ZNF385D: variants seen among roughly 807,000 people sequenced by gnomAD.
ZNF385D encodes the protein zinc finger protein 659.
A neutral mutation model predicts 35.8 loss-of-function variants in ZNF385D; 15 were observed. That is an observed-to-expected ratio of 0.42 (90% CI 0.28 to 0.64). The LOEUF (loss-of-function observed/expected upper bound fraction) is 0.64, where lower values mean the gene tolerates loss of function less well. ZNF385D is among the 30% of genes least tolerant of loss of function. ZNF385D has a pLI of 0.23. For synonymous variants in ZNF385D, 212 were observed against 186.8 expected (o/e 1.13, Z -1.10); for missense variants, 474 against 494.6 (o/e 0.96, Z 0.39).
chr3:21,453,392 T>C lies in ZNF385D; in HGVS notation c.440-16189A>G, dbSNP rs139545983. ...TTGAACTGCATCAAAATTAAGTTTT[T>C]TCGTGTGTAAAAAAACACTACCAAA... On this transcript the variant is annotated intron_variant, in intron 4 of 7. Transcript: ENST00000281523. 7.2e-4 allele frequency among the ~76,000 whole-genome samples: 109 copies of C among 152,078 alleles called. 1 individual carries two copies. In the East Asian group the frequency reaches 0.021, roughly 29 times the overall value.
intron 3 of ZNF385D, among the ~76,000 whole-genome samples, chr3:21,556,068 GTTTT>G (rs148079775): frequency 1.0e-5 from 1 of 99,020 alleles, no homozygotes; most frequent in Non-Finnish European, 2.0e-5. Flanking sequence ...TTTTGTTTTT[GTTTT>G]TTTTTTTTTT....
At chr3:21,596,704 C>G (rs1027286375) in intron 2 of ZNF385D, among the ~76,000 whole-genome samples, 8 of 150,822 alleles carry the variant, frequency 5.3e-5, no homozygotes, top group Non-Finnish European at 1.5e-5. Context: ...GTCTCAAACT[C>G]CTGGCCACAA....
intron 3 of ZNF385D, among the ~76,000 whole-genome samples, chr3:21,856,258 CTAA>C (rs1696707358): frequency 1.3e-5 from 2 of 151,970 alleles, no homozygotes; most frequent in Non-Finnish European, 2.9e-5. Flanking sequence ...ATTTCAACAA[CTAA>C]AGTGCAGACA....
intron 3 of ZNF385D, among the ~76,000 whole-genome samples, chr3:22,056,309 T>C (rs1200676549): frequency 8.2e-6 from 1 of 122,460 alleles, no homozygotes; most frequent in African/African-American, 3.1e-5. Context: ...AAAAAAAAAA[T>C]TCAATGTGAT....
chr3:22,163,231 T>C (rs141703124), intron 3 of ZNF385D, among the ~76,000 whole-genome samples: 111 of 152,302 alleles, frequency 7.3e-4, no homozygotes, highest in African/African-American at 2.4e-3. Flanking sequence ...GGAGGGACTT[T>C]AGAGATTCTT....
chr3:22,188,839 C>T (rs913296017), intron 2 of ZNF385D, among the ~76,000 whole-genome samples: 1 of 152,130 alleles, frequency 6.6e-6, no homozygotes, highest in African/African-American at 2.4e-5. Context: ...ATTTCTATTT[C>T]ATTTCTTTTT....
intron 2 of ZNF385D, among the ~76,000 whole-genome samples, chr3:22,364,219 A>T (rs975923499): frequency 6.6e-6 from 1 of 152,116 alleles, no homozygotes; most frequent in Non-Finnish European, 1.5e-5. Context: ...TTGGGATATG[A>T]CATCAAAGGC....
intron 2 of ZNF385D, among the ~76,000 whole-genome samples, chr3:22,340,448 C>T (rs566955074): frequency 9.7e-4 from 148 of 152,260 alleles, no homozygotes; most frequent in African/African-American, 3.4e-3. Flanking sequence ...GAGTTTCAGA[C>T]CAGCCTGGCC....
At chr3:22,056,668 T>C (rs1024120757) in intron 3 of ZNF385D, among the ~76,000 whole-genome samples, 1 of 152,228 alleles carries the variant, frequency 6.6e-6, no homozygotes, top group East Asian at 1.9e-4. Context: ...TTGTTCAGTG[T>C]ACATCAGCTA....
intron 2 of ZNF385D, among the ~76,000 whole-genome samples, chr3:21,598,831 A>G (rs1263611515): frequency 2.6e-5 from 4 of 152,138 alleles, no homozygotes; most frequent in Admixed American, 1.3e-4. Flanking sequence ...ACCAAAATTA[A>G]TCTTATTTAC....
chr3:21,825,477 C>T (rs1242940282), intron 3 of ZNF385D, among the ~76,000 whole-genome samples: 1 of 149,704 alleles, frequency 6.7e-6, no homozygotes, highest in Admixed American at 6.6e-5. Context: ...ATGTTGTTTG[C>T]AAATAAAAAA....
chr3:21,415,186 T>C lies in ZNF385D; in HGVS notation c.*6028A>G, dbSNP rs1043546791. 2.0e-5 allele frequency: 3 copies of C among 152,156 alleles called. No homozygotes were observed. The highest frequency in any genetic ancestry group is 2.9e-5 in the Non-Finnish European group (2 of 68,010). The allele number at this position is 152,156 out of a possible 1,614,324, so 9.4% of individuals were successfully genotyped here. A position where few individuals can be genotyped will look rare whatever the true frequency, so the allele number is the denominator to read the frequency against. On this transcript the variant is annotated 3_prime_UTR_variant, in exon 8 of 8. Transcript: ENST00000281523. ...ACTTTAAAAATAATATTTGTTGTACTGGCAAAAATACAATCTGGGTTTCCA... is the reference window on the plus strand; with the variant it reads ...ACTTTAAAAATAATATTTGTTGTACCGGCAAAAATACAATCTGGGTTTCCA...
chr3:21,902,141 T>C (rs929551504), intron 3 of ZNF385D, among the ~76,000 whole-genome samples: 1 of 152,182 alleles, frequency 6.6e-6, no homozygotes, highest in African/African-American at 2.4e-5. Flanking sequence ...GAAATCTGTA[T>C]TACCTATACA....
chr3:22,251,309 A>G (rs1424141532), intron 2 of ZNF385D, among the ~76,000 whole-genome samples: 3 of 152,090 alleles, frequency 2.0e-5, no homozygotes, highest in African/African-American at 7.2e-5. Flanking sequence ...TCTTGTTTTA[A>G]GTTCTATAAG....
chr3:21,467,438 A>G (rs561645603), intron 4 of ZNF385D, among the ~76,000 whole-genome samples: 195 of 152,304 alleles, frequency 1.3e-3, no homozygotes, highest in Non-Finnish European at 2.4e-3. Context: ...CAGATTTTAT[A>G]GTTTTTGGGG....
chr3:21,479,150 G>GTTT (rs11435047), intron 4 of ZNF385D, among the ~76,000 whole-genome samples: 4 of 147,056 alleles, frequency 2.7e-5, no homozygotes, highest in African/African-American at 9.9e-5. Context: ...TAGAAGTATT[G>GTTT]TTTTTTTTTT....
intron 3 of ZNF385D, among the ~76,000 whole-genome samples, chr3:22,113,830 T>C (rs902873433): frequency 1.3e-5 from 2 of 152,108 alleles, no homozygotes; most frequent in African/African-American, 2.4e-5. Flanking sequence ...TTTTTCAAGA[T>C]TGAATACATC....
At chr3:21,927,924 G>T (rs1312913246) in intron 3 of ZNF385D, among the ~76,000 whole-genome samples, 1 of 152,064 alleles carries the variant, frequency 6.6e-6, no homozygotes, top group East Asian at 1.9e-4. Context: ...TAAGGAGATA[G>T]AATACTGAAA....
chr3:22,290,232 G>A (rs181426845), intron 2 of ZNF385D, among the ~76,000 whole-genome samples: 1 of 152,174 alleles, frequency 6.6e-6, no homozygotes, highest in Admixed American at 6.5e-5. Flanking sequence ...CTTCCTTACT[G>A]GAATGGTGCT....
Sources: gnomAD v4.1 joint callset for allele counts (sites outside exome capture counted in the v4.1 genomes callset) on GRCh38, gnomAD v4.1.1 for gene constraint, MANE v1.5 for transcripts, NCBI Gene and HGNC (gene_info 2026-07-23, HGNC 2026-07-21) for gene names.